ST6GALNAC1: variants seen among roughly 807,000 people sequenced by gnomAD.
The protein encoded by ST6GALNAC1 is ST6 N-acetylgalactosaminide alpha-2,6-sialyltransferase 1.
In ST6GALNAC1, 45 loss-of-function variants were observed where a neutral mutation model predicts 56.8. The observed-to-expected ratio is 0.79, with a 90% CI of 0.62 to 1.02. The LOEUF is 1.02. ST6GALNAC1 is among the 50% of genes least tolerant of loss of function. The pLI is 0.00. For synonymous variants in ST6GALNAC1, 295 were observed against 297.8 expected, an observed-to-expected ratio of 0.99 and a Z score of 0.10; for missense variants, 743 against 754.8, an observed-to-expected ratio of 0.98 and a Z score of 0.18.
chr17:76,622,365 T>TTAG (rs1261084254), downstream of ST6GALNAC1, among the ~76,000 whole-genome samples: 2 of 149,302 alleles, frequency 1.3e-5, no homozygotes, highest in African/African-American at 5.1e-5. Flanking sequence ...CAACATTTTA[T>TTAG]TATTATTATT....
Position 76,627,068 on chromosome 17 carries a change from G to A in ST6GALNAC1, c.1171C>T (p.Arg391Ter), listed in dbSNP as rs540917837. The stretch of plus-strand genomic sequence containing the variant: ...GGAGCTTGGGTGGGGACAGCTTACC[G>A]GAACACGTAGTCGTGACTGTCTATC... The part of the protein sequence containing the change: ...QEIDSHDYVF[R>*]LSGALIKGYE... Residue 391 changes from arginine (R) to a stop codon, truncating the protein, a stop_gained and splice_region_variant, in exon 4 of 9, where the codon CGA becomes TGA. Coordinates refer to ENST00000156626, the MANE Select transcript of ST6GALNAC1 (RefSeq NM_018414.5). LOFTEE classifies it high-confidence loss of function. The surrounding 1 kb of genome is among the most constrained non-coding windows in gnomAD (Gnocchi z 4.4). 341 of 1,542,914 alleles carry A rather than the reference G, an allele frequency of 2.2e-4. No individual in the cohort carries two copies. Among genetic ancestry groups the A allele is most frequent in the Non-Finnish European group, 2.7e-4 (314 of 1,146,080 alleles).
intron 1 of ST6GALNAC1, among the ~76,000 whole-genome samples, chr17:76,633,300 C>A (rs2032565596): frequency 6.6e-6 from 1 of 152,056 alleles, no homozygotes; most frequent in South Asian, 2.1e-4. Context: ...CACCTGAGGT[C>A]GGGAGTTCGA....
chr17:76,625,680 C>T, intron 8 of ST6GALNAC1, 139 bp downstream of exon 8: 2 of 1,136,166 alleles, frequency 1.8e-6, no homozygotes, highest in Non-Finnish European at 1.2e-6. Context: ...CGCATAACTG[C>T]ATGCACCCAT....
intron 1 of ST6GALNAC1, chr17:76,641,778 A>G (rs2076050790): frequency 6.6e-6 from 1 of 152,218 alleles, no homozygotes; most frequent in Non-Finnish European, 1.5e-5. Flanking sequence ...GAGAAACTTG[A>G]TAGGGGTTGG....
chr17:76,635,167 C>G (rs1244781924), intron 1 of ST6GALNAC1, among the ~76,000 whole-genome samples: 10 of 152,050 alleles, frequency 6.6e-5, no homozygotes, highest in Admixed American at 6.5e-4. Context: ...TGGGGAGATT[C>G]TAGTGGGGAT....
downstream of ST6GALNAC1, among the ~76,000 whole-genome samples, chr17:76,621,269 G>T (rs912070449): frequency 1.5e-5 from 2 of 136,886 alleles, no homozygotes; most frequent in Non-Finnish European, 3.0e-5. Flanking sequence ...TGCAACCTCC[G>T]CCTTTTGGGT....
intron 1 of ST6GALNAC1, among the ~76,000 whole-genome samples, chr17:76,635,526 A>T (rs1392878478): frequency 6.6e-6 from 1 of 152,060 alleles, no homozygotes; most frequent in Non-Finnish European, 1.5e-5. Context: ...AATCCCAGCT[A>T]CTCTGGAGGC....
At chr17:76,619,571 G>A in the ST6GALNAC1 span, among the ~76,000 whole-genome samples, 3 of 152,054 alleles carry the variant, frequency 2.0e-5, no homozygotes, top group Admixed American at 1.3e-4. Flanking sequence ...GTTGAAACCT[G>A]TAATTCATTG....
At chr17:76,621,507 C>T (rs74635381), downstream of ST6GALNAC1, among the ~76,000 whole-genome samples, 3,562 of 151,812 alleles carry the variant, frequency 0.023, 75 homozygotes, top group East Asian at 0.051. Context: ...GATGGAGTTT[C>T]GCTCTGTCAC....
chr17:76,626,880 G>A, intron 4 of ST6GALNAC1, 91 bp from the exon 5 acceptor site: 1 of 1,548,594 alleles, frequency 6.5e-7, no homozygotes, highest in East Asian at 2.3e-5. Flanking sequence ...AATGGGGGAG[G>A]CAGCAGTTAT....
In ST6GALNAC1 at chr17:76,629,806, A is replaced by G. The variant is rs371302286; in HGVS notation, c.132-95T>C. 70 of 878,642 alleles carry G rather than the reference A, an allele frequency of 8.0e-5. No individual in the cohort carries two copies. The African/African-American group carries it at 1.2e-3, about 15-fold the overall frequency. 54.4% of individuals were successfully genotyped at this position (878,642 alleles called of 1,614,324 possible). A position where few individuals can be genotyped will look rare whatever the true frequency, so the allele number is the denominator to read the frequency against. ...TTGTTTTTTTTTTTTTTTTTGAGACACAGTCTTGCTCTGTCACCCAGGCTG... is the reference window on the plus strand; with the variant it reads ...TTGTTTTTTTTTTTTTTTTTGAGACGCAGTCTTGCTCTGTCACCCAGGCTG... On this transcript the variant is annotated intron_variant, in intron 1 of 8. Transcript: ENST00000156626.
At position 76,627,960 on chromosome 17, in the gene ST6GALNAC1, G is replaced by C. The variant is rs1354678866; in HGVS notation, c.832-377C>G. 6.6e-6 allele frequency among the ~76,000 whole-genome samples: 1 copy of C among 152,096 alleles called. No homozygotes were observed. Among genetic ancestry groups the C allele is most frequent in the Non-Finnish European group, 1.5e-5 (1 of 68,014 alleles). On this transcript the variant is annotated intron_variant, in intron 2 of 8. Transcript: ENST00000156626. This position sits in a 1 kb window ranked among gnomAD's most constrained non-coding sequence, Gnocchi z 4.4. ...AAAATACAAAAAATTAGCCGGGCGT[G>C]GTGGCGGGCGCCTGTAGTTCCAGCT...
Position 76,625,198 on chromosome 17 carries a change from A to C in ST6GALNAC1, c.*132T>G. ...TTGAGAGAGTCTTGTCCATGGTTCA[A>C]GTGTTCCCTTGGAACTCCTGAAGGG... On this transcript the variant is annotated 3_prime_UTR_variant, in exon 9 of 9. Coordinates refer to ENST00000156626, the MANE Select transcript of ST6GALNAC1 (RefSeq NM_018414.5). The C allele has an allele frequency of 3.3e-6, 3 of 911,088 alleles. No individual in the cohort carries two copies. The highest frequency in any genetic ancestry group is 4.9e-6 in the Non-Finnish European group (3 of 612,742). 56.4% of individuals were successfully genotyped at this position (911,088 alleles called of 1,614,324 possible).
chr17:76,636,869 A>G (rs1485764643), intron 1 of ST6GALNAC1, among the ~76,000 whole-genome samples: 60 of 149,040 alleles, frequency 4.0e-4, no homozygotes, highest in African/African-American at 7.3e-4. Context: ...TCAGATTGTT[A>G]CTGTGTCTGT....
At position 76,629,152 on chromosome 17, in the gene ST6GALNAC1, G is replaced by A; in HGVS notation, c.691C>T (p.Pro231Ser). Residue 231 changes from proline (P) to serine (S), a missense_variant, in exon 2 of 9, where the codon CCT becomes TCT. Pro to Ser is a moderately conservative substitution (Grantham distance 74). Transcript: ENST00000156626. ...TAVIPPKEKK[P>S]QATPPPAPFQ... The stretch of plus-strand genomic sequence containing the variant: ...GGGGCAGGGGGTGGGGTGGCCTGAG[G>A]TTTCTTCTCCTTAGGTGGGATGACT... The A allele has an allele frequency of 1.2e-6, 2 of 1,614,126 alleles. No homozygotes were observed. The highest frequency in any genetic ancestry group is 1.7e-6 in the Non-Finnish European group (2 of 1,180,012).
chr17:76,641,457 A>G (rs566166808), intron 1 of ST6GALNAC1, among the ~76,000 whole-genome samples: 1 of 152,352 alleles, frequency 6.6e-6, no homozygotes, highest in Admixed American at 6.5e-5. Context: ...GGAAGAAAAG[A>G]TATGAACAGG....
the ST6GALNAC1 span, among the ~76,000 whole-genome samples, chr17:76,619,749 T>G: frequency 1.4e-5 from 2 of 144,690 alleles, no homozygotes; most frequent in Admixed American, 6.9e-5. Flanking sequence ...AGTTTTTTTT[T>G]TTTTTTTTTT....
Position 76,627,458 on chromosome 17 carries a change from T to A in ST6GALNAC1, c.957A>T (p.Glu319Asp), listed in dbSNP as rs774440262. 12 of 1,614,170 alleles carry A rather than the reference T, an allele frequency of 7.4e-6. No individual in the cohort carries two copies. In the Admixed American group the frequency reaches 2.0e-4, roughly 27 times the overall value. Residue 319 changes from glutamate (E) to aspartate (D), a missense_variant, in exon 3 of 9, where the codon GAA becomes GAT. Coordinates refer to ENST00000156626, the MANE Select transcript of ST6GALNAC1 (RefSeq NM_018414.5). The surrounding 1 kb of genome is among the most constrained non-coding windows in gnomAD (Gnocchi z 4.4). ...HFNQSEWDRL[E>D]HFAPPFGFME... ...TGAAGCCAAAGGGTGGTGCAAAGTG[T>A]TCCAGGCGGTCCCACTCACTCTGGT...
chr17:76,617,789 GA>G, the ST6GALNAC1 span, among the ~76,000 whole-genome samples: 1 of 151,212 alleles, frequency 6.6e-6, no homozygotes. Flanking sequence ...AAAAAAGAAA[GA>G]AAAAAAATTT....
Sources: allele counts gnomAD v4.1 joint callset (sites outside exome capture counted in the v4.1 genomes callset), GRCh38; gene constraint gnomAD v4.1.1; non-coding constraint Gnocchi (gnomAD v3.1); transcripts MANE v1.5; gene names NCBI Gene and HGNC (gene_info 2026-07-23, HGNC 2026-07-21).